Variants in ALDH1L2 observed in about 807,000 individuals in gnomAD.
ALDH1L2 encodes the protein aldehyde dehydrogenase 1 family member L2.
Under a neutral mutation model 111.0 loss-of-function variants are expected in ALDH1L2, and 91 were observed. The observed-to-expected ratio is 0.82, with a 90% CI of 0.69 to 0.98. ALDH1L2 has a LOEUF of 0.98. ALDH1L2 is among the 50% of genes least tolerant of loss of function. The pLI, the probability that ALDH1L2 is intolerant of heterozygous loss-of-function variation, is 0.00. For missense variants in ALDH1L2, 995 were observed against 1,126.8 expected (o/e 0.88, Z 1.67); for synonymous variants, 374 against 392.6 (o/e 0.95, Z 0.56).
intron 21 of ALDH1L2, among the ~76,000 whole-genome samples, chr12:105,026,981 C>T (rs1272138605): frequency 6.6e-6 from 1 of 152,190 alleles, no homozygotes; most frequent in African/African-American, 2.4e-5. Flanking sequence ...GTGATCCTCC[C>T]ACCTCAGCCT....
rs942350247 is a variant in ALDH1L2 at position 105,032,028 on chromosome 12, T to G, written c.2245-94A>C. Reference sequence around the variant, plus strand: ...GGTGTTATACTAAGGTGTTTATAGATGTATTGTCATTTAGTCTTTACAATA... The same window carrying G: ...GGTGTTATACTAAGGTGTTTATAGAGGTATTGTCATTTAGTCTTTACAATA... On this transcript the variant is annotated intron_variant, in intron 19 of 22. Coordinates refer to ENST00000258494, the MANE Select transcript of ALDH1L2 (RefSeq NM_001034173.4). 5.1e-6 allele frequency: 7 copies of G among 1,369,668 alleles called. No individual in the cohort carries two copies. In the African/African-American group the frequency reaches 1.0e-4, roughly 20 times the overall value. The allele number at this position is 1,369,668 out of a possible 1,614,324, so 84.8% of individuals were successfully genotyped here.
Position 105,030,323 on chromosome 12 carries a change from C to G in ALDH1L2, c.2516+1G>C. On this transcript the variant is annotated splice_donor_variant, in intron 21 of 22. Coordinates refer to ENST00000258494, the MANE Select transcript of ALDH1L2 (RefSeq NM_001034173.4). LOFTEE classifies it high-confidence loss of function. ...AGTTACATTGTGTCTGAAGAACCTA[C>G]CCATTTTGGAATTTAGAAATGACCA... is the stretch of plus-strand genomic sequence containing the variant. 1 of 1,607,048 alleles carries G rather than the reference C, an allele frequency of 6.2e-7. No individual in the cohort carries two copies. Among genetic ancestry groups the G allele is most frequent in the Non-Finnish European group, 8.5e-7 (1 of 1,176,926 alleles).
In ALDH1L2 at chr12:105,070,557, G is replaced by GA. The variant is rs751252453; in HGVS notation, c.428+12dup. 2.5e-4 allele frequency: 390 copies of GA among 1,588,268 alleles called. No individual in the cohort carries two copies. The highest frequency in any genetic ancestry group is 3.1e-4 in the Non-Finnish European group (364 of 1,167,178). On this transcript the variant is annotated intron_variant, in intron 3 of 22. Coordinates refer to ENST00000258494, the MANE Select transcript of ALDH1L2 (RefSeq NM_001034173.4). ...CCATCTCAAAAAAAAAAAGTAAAAA[G>GA]AAAAAATCTCACCAATTGATAGCAG...
At chr12:105,039,573 TTTC>T (rs1875393440) in intron 17 of ALDH1L2, 137 bp downstream of exon 17, 2 of 622,638 alleles carry the variant, frequency 3.2e-6, no homozygotes, top group Non-Finnish European at 5.6e-6. Context: ...TATTCAAATA[TTTC>T]AATACTCAGC....
intron 12 of ALDH1L2, among the ~76,000 whole-genome samples, chr12:105,051,524 G>A (rs1351944763): frequency 6.6e-6 from 1 of 152,140 alleles, no homozygotes; most frequent in Non-Finnish European, 1.5e-5. Context: ...CTGCCTGGAT[G>A]TTTCAGTATC....
chr12:105,077,663 A>G (rs1047753321), intron 1 of ALDH1L2, among the ~76,000 whole-genome samples: 1 of 150,430 alleles, frequency 6.6e-6, no homozygotes, highest in African/African-American at 2.5e-5. Flanking sequence ...CAAATAATGC[A>G]TTCCCAGGCT....
At chr12:105,039,911 A>T in intron 16 of ALDH1L2, 105 bp from the exon 17 acceptor site, 1 of 934,214 alleles carries the variant, frequency 1.1e-6, no homozygotes, top group Admixed American at 1.8e-5. Context: ...CAAGCAGATC[A>T]CAAGGTCAGG....
At chr12:105,024,555 T>A in intron 22 of ALDH1L2, 76 bp from the exon 23 acceptor site, 1 of 1,411,088 alleles carries the variant, frequency 7.1e-7, no homozygotes, top group East Asian at 2.3e-5. Flanking sequence ...CAGACATAGG[T>A]ATACGTAGGT....
rs569700818 is a variant in ALDH1L2, at chr12:105,062,847, AT to A, written c.921+40del. ...TTAATAGCTTGGGTTATAGAAGAAA[AT>A]CAAAAGGTTATTTCATAGGCAGCCA... On this transcript the variant is annotated intron_variant, in intron 7 of 22. Coordinates refer to ENST00000258494, the MANE Select transcript of ALDH1L2 (RefSeq NM_001034173.4). 7.4e-5 allele frequency: 117 copies of A among 1,589,442 alleles called. No individual in the cohort carries two copies. The African/African-American group carries it at 1.5e-3, about 20-fold the overall frequency.
chr12:105,068,184 A>G (rs1359608716), intron 4 of ALDH1L2, among the ~76,000 whole-genome samples: 1 of 152,158 alleles, frequency 6.6e-6, no homozygotes, highest in Non-Finnish European at 1.5e-5. Flanking sequence ...AAAAAATTAA[A>G]TGACATCAAA....
Position 105,046,945 on chromosome 12 carries a change from C to T in ALDH1L2, c.1711G>A (p.Ala571Thr). 8 of 1,613,998 alleles carry T rather than the reference C, an allele frequency of 5.0e-6. No individual in the cohort carries two copies. The highest frequency in any genetic ancestry group is 5.9e-6 in the Non-Finnish European group (7 of 1,179,954). ...AAGGTCAGATTGCGATTTGGACGGG[C>T]CTGGTTGATTGGAATAGTAGAACCC... ...IQGSTIPINQ[A>T]RPNRNLTFTK... The change falls in exon 14 of 23, where the codon GCC becomes ACC. Residue 571 changes from alanine (A) to threonine (T), a missense_variant. Transcript: ENST00000258494.
chr12:105,069,787 C>T (rs1877569261), intron 3 of ALDH1L2, among the ~76,000 whole-genome samples: 1 of 152,242 alleles, frequency 6.6e-6, no homozygotes, highest in African/African-American at 2.4e-5. Context: ...GAAGGCCCAC[C>T]TCAACCCACA....
At chr12:105,065,197 T>A (rs1565968261) in intron 6 of ALDH1L2, 70 bp downstream of exon 6, 10 of 906,826 alleles carry the variant, frequency 1.1e-5, no homozygotes, top group South Asian at 1.3e-5. Context: ...AAGCCCAGAT[T>A]TATCTGTAAT....
Position 105,040,690 on chromosome 12 carries a change from G to T in ALDH1L2, c.1868C>A (p.Thr623Lys). Reference protein sequence around the residue: ...NTLVLKPAQVTPLTALKFAEL... With the variant: ...NTLVLKPAQVKPLTALKFAEL... ...TGCAAACTTCAAAGCAGTCAAGGGC[G>T]TGACCTGAGGAGAAGCAAACAGCAA... The change falls in exon 16 of 23, where the codon ACG becomes AAG. Residue 623 changes from threonine to lysine, a missense_variant. Thr to Lys is a moderately conservative substitution (Grantham distance 78, BLOSUM62 -1). Transcript: ENST00000258494. The T allele has an allele frequency of 2.5e-6, 4 of 1,613,978 alleles. No individual in the cohort carries two copies. Among genetic ancestry groups the T allele is most frequent in the Non-Finnish European group, 3.4e-6 (4 of 1,179,918 alleles).
intron 15 of ALDH1L2, among the ~76,000 whole-genome samples, chr12:105,043,418 G>A (rs1243087737): frequency 1.3e-5 from 2 of 152,194 alleles, no homozygotes; most frequent in East Asian, 1.9e-4. Context: ...ACAGATCCAC[G>A]ACAGTCACAT....
chr12:105,041,938 T>G (rs939913429), intron 15 of ALDH1L2, among the ~76,000 whole-genome samples: 2 of 152,172 alleles, frequency 1.3e-5, no homozygotes, highest in African/African-American at 4.8e-5. Flanking sequence ...TCTTCCCTAC[T>G]CCAGCTACTT....
chr12:105,058,858 A>G (rs1876798360), intron 9 of ALDH1L2, among the ~76,000 whole-genome samples: 1 of 152,170 alleles, frequency 6.6e-6, no homozygotes. Flanking sequence ...TCTCTAAAAG[A>G]GATGATACCT....
intron 20 of ALDH1L2, among the ~76,000 whole-genome samples, 156 bp from the exon 21 acceptor site, chr12:105,030,585 G>T (rs906046623): frequency 6.6e-6 from 1 of 152,040 alleles, no homozygotes; most frequent in African/African-American, 2.4e-5. Flanking sequence ...GCATGCCCAG[G>T]TTCTTATTTT....
At chr12:105,045,825 A>ACT (rs5800646) in intron 15 of ALDH1L2, among the ~76,000 whole-genome samples, 94,473 of 151,682 alleles carry the variant, frequency 0.62, 30,401 homozygotes, top group African/African-American at 0.79. Context: ...CAAATTATAA[A>ACT]CTTCTAGAAT....
Sources: allele counts gnomAD v4.1 joint callset (sites outside exome capture counted in the v4.1 genomes callset), GRCh38; gene constraint gnomAD v4.1.1; transcripts MANE v1.5; gene names NCBI Gene and HGNC (gene_info 2026-07-23, HGNC 2026-07-21).